Variants in NPHP4 observed in about 807,000 individuals in gnomAD.
The protein encoded by NPHP4 is nephrocystin-4.
Under a neutral mutation model 155.8 loss-of-function variants are expected in NPHP4, and 151 were observed. The ratio of observed to expected loss-of-function variants is 0.97; its 90% CI spans 0.85 to 1.11. The LOEUF is 1.11. Among genes scored for constraint, NPHP4 ranks in the 50% least tolerant of loss-of-function variants. The probability of loss-of-function intolerance (pLI) is 0.00; values close to 1 mark genes in which losing one functional copy is unlikely to be tolerated. For missense variants in NPHP4, 1,956 were observed against 1,925.7 expected (o/e 1.02, Z -0.29); for synonymous variants, 845 against 816.8 (o/e 1.03, Z -0.59).
chr1:5,904,312 CTTAAGT>C (rs754596628), intron 16 of NPHP4, among the ~76,000 whole-genome samples: 11 of 152,232 alleles, frequency 7.2e-5, no homozygotes, highest in Admixed American at 2.0e-4. Context: ...GGCTATACCC[CTTAAGT>C]TTATGTTTTT....
intron 3 of NPHP4, among the ~76,000 whole-genome samples, chr1:5,971,592 G>T (rs34768831): frequency 0.17 from 26,162 of 152,116 alleles, 2,349 homozygotes; most frequent in African/African-American, 0.22. Context: ...AGAGCCACAT[G>T]GCTGCACCCC....
chr1:5,889,196 C>A lies in NPHP4; in HGVS notation c.2304+1672G>T, dbSNP rs1174848224. ...TCAAGAAGTCCACAGCAGTGATTAG[C>A]AGAAGGAAAAGCCACTGTAGTGACC... On this transcript the variant is annotated intron_variant, in intron 17 of 29. Transcript: ENST00000378156. This position sits in a 1 kb window ranked among gnomAD's most constrained non-coding sequence, Gnocchi z 4.2. 1.3e-5 allele frequency among the ~76,000 whole-genome samples: 2 copies of A among 152,114 alleles called. No homozygotes were observed. Among genetic ancestry groups the A allele is most frequent in the African/African-American group, 4.8e-5 (2 of 41,410 alleles).
chr1:5,989,964 G>A (rs900186012), intron 1 of NPHP4, among the ~76,000 whole-genome samples: 3 of 152,228 alleles, frequency 2.0e-5, no homozygotes, highest in African/African-American at 7.2e-5. Flanking sequence ...CCTGAGGCTC[G>A]GGATGTGGAG....
Position 5,948,047 on chromosome 1 carries a change from C to T in NPHP4, c.992+23G>A, listed in dbSNP as rs777982845. On this transcript the variant is annotated intron_variant, in intron 8 of 29. Coordinates refer to ENST00000378156, the MANE Select transcript of NPHP4 (RefSeq NM_015102.5). ...GATCCCTTGCACATCCCCACCCATC[C>T]CTGGGGACCCAAGAGACAATACCTG... is the stretch of plus-strand genomic sequence containing the variant. The T allele has an allele frequency of 5.6e-6, 9 of 1,594,846 alleles. No individual in the cohort carries two copies. The East Asian group carries it at 8.9e-5, about 16-fold the overall frequency.
At chr1:5,883,990 G>A (rs1435299366) in intron 18 of NPHP4, among the ~76,000 whole-genome samples, 1 of 152,158 alleles carries the variant, frequency 6.6e-6, no homozygotes, top group African/African-American at 2.4e-5. Context: ...CTTCATGACC[G>A]TTTCCTCTTA....
At chr1:5,951,028 C>G (rs919481562) in intron 7 of NPHP4, among the ~76,000 whole-genome samples, 3 of 152,162 alleles carry the variant, frequency 2.0e-5, no homozygotes, top group African/African-American at 7.2e-5. Flanking sequence ...GAAAAAAGTA[C>G]GACTTCATTT....
At chr1:5,872,624 A>G (rs1172198388) in intron 23 of NPHP4, among the ~76,000 whole-genome samples, 2 of 152,242 alleles carry the variant, frequency 1.3e-5, no homozygotes, top group Non-Finnish European at 2.9e-5. Flanking sequence ...GGAACGCCAC[A>G]GCCTCACAGG....
At chr1:5,971,075 T>C (rs753224576) in intron 3 of NPHP4, among the ~76,000 whole-genome samples, 1 of 152,212 alleles carries the variant, frequency 6.6e-6, no homozygotes, top group Non-Finnish European at 1.5e-5. Flanking sequence ...ACTTTTTCTA[T>C]TGGCAATAAA....
chr1:5,973,990 G>A (rs1463072575), intron 3 of NPHP4, among the ~76,000 whole-genome samples: 2 of 152,254 alleles, frequency 1.3e-5, no homozygotes, highest in Admixed American at 6.5e-5. Flanking sequence ...AAGAGCACAG[G>A]AGCAGCCATC....
At position 5,910,066 on chromosome 1, in the gene NPHP4, T is replaced by C. The variant is rs188078430; in HGVS notation, c.1442-853A>G. ...ACCCACCAGGCTCCTGCCACAGCGG[T>C]GCTGGAGCGTCCATAGCCACTCGTC... On this transcript the variant is annotated intron_variant, in intron 11 of 29. Transcript: ENST00000378156. The surrounding 1 kb of genome is among the most constrained non-coding windows in gnomAD (Gnocchi z 5.4). Among the ~76,000 whole-genome samples the C allele has an allele frequency of 6.6e-6, 1 of 152,168 alleles. No individual in the cohort carries two copies. Among genetic ancestry groups the C allele is most frequent in the Non-Finnish European group, 1.5e-5 (1 of 68,018 alleles).
At position 5,961,932 on chromosome 1, in the gene NPHP4, G is replaced by C; in HGVS notation, c.535C>G (p.Leu179Val). The C allele has an allele frequency of 6.3e-7, 1 of 1,598,918 alleles. No individual in the cohort carries two copies. The highest frequency in any genetic ancestry group is 8.6e-7 in the Non-Finnish European group (1 of 1,167,152). The change falls in exon 6 of 30, where the codon CTC (leucine) becomes GTC (valine). Residue 179 changes from leucine (L) to valine (V), a missense_variant. Leu to Val is a conservative substitution (Grantham distance 32). Transcript: ENST00000378156. Reference protein sequence around the residue: ...DPAEQNRHMTLIENCSLQYTL... With the variant: ...DPAEQNRHMTVIENCSLQYTL... ...TACTGCAGGCTGCAGTTCTCAATGA[G>C]GGTCATGTGTCTGTTTTCTGGTGAA... is the stretch of plus-strand genomic sequence containing the variant.
At chr1:5,956,063 G>C (rs1007732524) in intron 6 of NPHP4, among the ~76,000 whole-genome samples, 4 of 149,324 alleles carry the variant, frequency 2.7e-5, no homozygotes, top group Admixed American at 6.6e-5. Context: ...AAAAGCTGGG[G>C]GGGGGGGGTG....
intron 11 of NPHP4, among the ~76,000 whole-genome samples, chr1:5,924,517 C>T (rs1645898834): frequency 6.6e-6 from 1 of 152,088 alleles, no homozygotes; most frequent in Non-Finnish European, 1.5e-5. Flanking sequence ...AAACCAAAGC[C>T]CACAGATGGC....
Position 5,952,804 on chromosome 1 carries a change from G to A in NPHP4, c.706C>T (p.Pro236Ser), listed in dbSNP as rs1384084291. ...DALRKPRLQK[P>S]ITGHLDDLFF... ...AAGTCATCCAAGTGCCCCGTGATGGGCTTCTGGAGGCGAGGCTTTCGGAGA... is the reference window on the plus strand; with the variant it reads ...AAGTCATCCAAGTGCCCCGTGATGGACTTCTGGAGGCGAGGCTTTCGGAGA... The change falls in exon 7 of 30, where the codon CCC (proline) becomes TCC (serine). Residue 236 changes from proline to serine, a missense_variant. By Grantham distance (74) the Pro-to-Ser change is moderately conservative (BLOSUM62 -1). Coordinates refer to ENST00000378156, the MANE Select transcript of NPHP4 (RefSeq NM_015102.5). 3.8e-6 allele frequency: 6 copies of A among 1,599,106 alleles called. No individual in the cohort carries two copies. In the Admixed American group the frequency reaches 8.6e-5, roughly 23 times the overall value.
chr1:5,955,727 T>G (rs1649067980), intron 6 of NPHP4, among the ~76,000 whole-genome samples: 1 of 151,974 alleles, frequency 6.6e-6, no homozygotes, highest in Non-Finnish European at 1.5e-5. Context: ...CACAGAACAG[T>G]GGTTATCAGA....
chr1:5,948,028 T>C (rs749167640), intron 8 of NPHP4, 42 bp downstream of exon 8: 2 of 1,505,478 alleles, frequency 1.3e-6, no homozygotes, highest in Non-Finnish European at 1.8e-6. Flanking sequence ...TCGTGATCCC[T>C]TGCACATCCC....
At chr1:5,912,672 A>G (rs1645251067) in intron 11 of NPHP4, among the ~76,000 whole-genome samples, 1 of 152,366 alleles carries the variant, frequency 6.6e-6, no homozygotes, top group South Asian at 2.1e-4. Flanking sequence ...CATTGCCCAT[A>G]AAACTTAAAG....
chr1:5,920,829 T>A (rs1373212623), intron 11 of NPHP4, among the ~76,000 whole-genome samples: 1 of 152,192 alleles, frequency 6.6e-6, no homozygotes, highest in East Asian at 1.9e-4. Flanking sequence ...GTTTACAGAG[T>A]CTTTTCTCAC....
At position 5,873,236 on chromosome 1, in the gene NPHP4, T is replaced by C; in HGVS notation, c.3315+16A>G. The C allele has an allele frequency of 6.2e-7, 1 of 1,606,232 alleles. No homozygotes were observed. Among genetic ancestry groups the C allele is most frequent in the Non-Finnish European group, 8.5e-7 (1 of 1,172,840 alleles). ...AGGAAGCCCCGAGATCAGTTTGTCC[T>C]CCGTTGCCCCTTTACCTTGGCGTGT... On this transcript the variant is annotated intron_variant, in intron 23 of 29. Transcript: ENST00000378156.
Sources: gnomAD v4.1 joint callset for allele counts (sites outside exome capture counted in the v4.1 genomes callset) on GRCh38, gnomAD v4.1.1 for gene constraint, Gnocchi (gnomAD v3.1) non-coding constraint, MANE v1.5 for transcripts, NCBI Gene and HGNC (gene_info 2026-07-23, HGNC 2026-07-21) for gene names.